Variants in ZNF33B observed in about 807,000 individuals in gnomAD.
ZNF33B encodes zinc finger protein 33B.
Under a neutral mutation model 45.8 loss-of-function variants are expected in ZNF33B, and 29 were observed. The ratio of observed to expected loss-of-function variants is 0.63; its 90% CI spans 0.47 to 0.86. The LOEUF (loss-of-function observed/expected upper bound fraction) is 0.86, where lower values mean the gene tolerates loss of function less well. ZNF33B is among the 40% of genes least tolerant of loss of function. The pLI is 0.00. For missense variants in ZNF33B, 831 were observed against 909.9 expected, an observed-to-expected ratio of 0.91 and a Z score of 1.12; for synonymous variants, 305 against 307.8, an observed-to-expected ratio of 0.99 and a Z score of 0.10.
Position 42,589,514 on chromosome 10 carries a change from C to T in ZNF33B, c.*3099G>A, listed in dbSNP as rs1837017525. The T allele has an allele frequency of 6.6e-6, 1 of 152,144 alleles. No homozygotes were observed. The highest frequency in any genetic ancestry group is 1.5e-5 in the Non-Finnish European group (1 of 68,032). 9.4% of individuals were successfully genotyped at this position (152,144 alleles called of 1,614,324 possible). On this transcript the variant is annotated 3_prime_UTR_variant, in exon 5 of 5. Transcript: ENST00000359467. ...GACTCGCTCGATAGTTTTGCCTCTC[C>T]CAGAATGTCATATAATTGCAATCAT...
At position 42,593,581 on chromosome 10, in the gene ZNF33B, T is replaced by C. The variant is rs775640743; in HGVS notation, c.1369A>G (p.Thr457Ala). The C allele has an allele frequency of 1.9e-6, 3 of 1,613,946 alleles. No homozygotes were observed. Reference protein sequence around the residue: ...GKSFCMNSHLTVHQRTHTGEK... With the variant: ...GKSFCMNSHLAVHQRTHTGEK... ...CCTGTGTGAGTTCTCTGGTGTACTG[T>C]AAGGTGTGAATTCATACAGAAGGAT... The change falls in exon 5 of 5, where the codon ACA becomes GCA. Residue 457 changes from threonine (T) to alanine (A), a missense_variant. Coordinates refer to ENST00000359467, the MANE Select transcript of ZNF33B (RefSeq NM_006955.3).
chr10:42,624,036 A>G (rs2132136035), intron 4 of ZNF33B, among the ~76,000 whole-genome samples: 1 of 152,350 alleles, frequency 6.6e-6, no homozygotes, highest in East Asian at 1.9e-4. Flanking sequence ...TGAGATCAGG[A>G]TGCCAGCATG....
At chr10:42,614,907 C>T (rs1484148741) in intron 4 of ZNF33B, among the ~76,000 whole-genome samples, 2 of 151,648 alleles carry the variant, frequency 1.3e-5, no homozygotes, top group East Asian at 1.9e-4. Flanking sequence ...GAGCTGAGAT[C>T]GTGCCACTGT....
intron 4 of ZNF33B, among the ~76,000 whole-genome samples, chr10:42,599,806 A>G (rs979446934): frequency 6.6e-6 from 1 of 152,110 alleles, no homozygotes; most frequent in Non-Finnish European, 1.5e-5. Context: ...AATGGAAAAC[A>G]ATGAAATCAA....
At chr10:42,586,386 T>C (rs1307773391), downstream of ZNF33B, among the ~76,000 whole-genome samples, 3 of 152,128 alleles carry the variant, frequency 2.0e-5, no homozygotes, top group African/African-American at 4.8e-5. Flanking sequence ...CCTGACCTCA[T>C]GATCTGCCTG....
chr10:42,626,521 T>A (rs957923669), intron 4 of ZNF33B, among the ~76,000 whole-genome samples: 2 of 151,846 alleles, frequency 1.3e-5, no homozygotes, highest in African/African-American at 2.4e-5. Flanking sequence ...AACACCGTCT[T>A]TACTAAAAAT....
rs750510792 is a variant in ZNF33B, at chr10:42,594,253, C to T, written c.697G>A (p.Val233Ile). The change falls in exon 5 of 5, where the codon GTA becomes ATA. Residue 233 changes from valine (V) to isoleucine (I), a missense_variant. Val to Ile is a conservative substitution (Grantham distance 29). Transcript: ENST00000359467. ...ICQETLLEKA[V>I]FNTRKRENAE... The stretch of plus-strand genomic sequence containing the variant: ...TTCTCTCTCTTCCGTGTATTGAATA[C>T]TGCCTTTTCAAGGAGGGTTTCCTGA... 1.2e-6 allele frequency: 2 copies of T among 1,613,792 alleles called. No homozygotes were observed. The highest frequency in any genetic ancestry group is 1.7e-6 in the Non-Finnish European group (2 of 1,179,924).
At chr10:42,583,069 G>A (rs1429804992) in intron 1 of ZNF33B, 4 of 825,298 alleles carry the variant, frequency 4.8e-6, no homozygotes, top group Non-Finnish European at 8.4e-6. Flanking sequence ...TCTTCTTCCA[G>A]CACTGCAAGG....
chr10:42,611,295 C>G (rs1838087139), intron 4 of ZNF33B, among the ~76,000 whole-genome samples: 1 of 151,940 alleles, frequency 6.6e-6, no homozygotes, highest in African/African-American at 2.4e-5. Context: ...GAGCCAAGAT[C>G]ATGCCACTGC....
chr10:42,635,319 T>C (rs1349865672), intron 2 of ZNF33B, among the ~76,000 whole-genome samples: 1 of 151,998 alleles, frequency 6.6e-6, no homozygotes, highest in East Asian at 1.9e-4. Flanking sequence ...TAGTCAACTC[T>C]GCCACTGAAG....
intron 4 of ZNF33B, among the ~76,000 whole-genome samples, chr10:42,599,791 A>G (rs1221604973): frequency 6.6e-6 from 1 of 152,102 alleles, no homozygotes; most frequent in Non-Finnish European, 1.5e-5. Flanking sequence ...AGGACTAAGG[A>G]TCAAAATGGA....
rs1350217514 is a variant in ZNF33B at position 42,630,310 on chromosome 10, G to T, written c.250+1619C>A. On this transcript the variant is annotated intron_variant, in intron 4 of 4. Transcript: ENST00000359467. The stretch of plus-strand genomic sequence containing the variant: ...TGAGAAAATATACTACTTCCTGCCT[G>T]CCACCACAGTTTCAGAAGAGAAACC... 3.9e-5 allele frequency among the ~76,000 whole-genome samples: 6 copies of T among 152,190 alleles called. No individual in the cohort carries two copies. The East Asian group carries it at 1.2e-3, about 29-fold the overall frequency.
chr10:42,588,840 A>G (rs1234937154), downstream of ZNF33B, among the ~76,000 whole-genome samples: 1 of 152,182 alleles, frequency 6.6e-6, no homozygotes, highest in African/African-American at 2.4e-5. Context: ...CCCCCCTGAC[A>G]GGGAGGACTG....
intron 4 of ZNF33B, among the ~76,000 whole-genome samples, chr10:42,605,821 C>T (rs1226378873): frequency 2.0e-5 from 3 of 152,092 alleles, no homozygotes; most frequent in Non-Finnish European, 4.4e-5. Context: ...GCAGGCTAGG[C>T]ATGGTGGCTC....
chr10:42,627,933 T>C (rs1427682506), intron 4 of ZNF33B, among the ~76,000 whole-genome samples: 2 of 152,242 alleles, frequency 1.3e-5, no homozygotes, highest in African/African-American at 4.8e-5. Flanking sequence ...CAAGGCTTAT[T>C]TATGGCCCAG....
At chr10:42,613,535 G>A (rs1254249642) in intron 4 of ZNF33B, among the ~76,000 whole-genome samples, 2 of 149,962 alleles carry the variant, frequency 1.3e-5, no homozygotes, top group Admixed American at 6.7e-5. Flanking sequence ...GTGACAGAGC[G>A]AGACTCTCTC....
At chr10:42,623,498 C>A (rs976967159) in intron 4 of ZNF33B, among the ~76,000 whole-genome samples, 1 of 152,044 alleles carries the variant, frequency 6.6e-6, no homozygotes, top group African/African-American at 2.4e-5. Flanking sequence ...ATTAAACAGC[C>A]AGAAAAGAAA....
chr10:42,602,205 G>A (rs556342572), intron 4 of ZNF33B, among the ~76,000 whole-genome samples: 103 of 152,044 alleles, frequency 6.8e-4, no homozygotes, highest in African/African-American at 2.4e-3. Flanking sequence ...GGCATTACAG[G>A]TGTGAGACAC....
At chr10:42,586,109 T>C (rs1255899157), downstream of ZNF33B, among the ~76,000 whole-genome samples, 1 of 152,134 alleles carries the variant, frequency 6.6e-6, no homozygotes, top group Non-Finnish European at 1.5e-5. Context: ...CCAAACCCAC[T>C]GTTTACTTCC....
Sources: allele counts gnomAD v4.1 joint callset (sites outside exome capture counted in the v4.1 genomes callset), GRCh38; gene constraint gnomAD v4.1.1; transcripts MANE v1.5; gene names NCBI Gene and HGNC (gene_info 2026-07-23, HGNC 2026-07-21).